MKLN1: variants seen among roughly 807,000 people sequenced by gnomAD.
MKLN1 encodes muskelin.
In MKLN1, 18 loss-of-function variants were observed where a neutral mutation model predicts 99.0. The observed-to-expected ratio is 0.18, with a 90% CI of 0.13 to 0.27. The LOEUF (loss-of-function observed/expected upper bound fraction) is 0.27. MKLN1 is among the 10% of genes least tolerant of loss of function. The pLI is 1.00. For missense variants in MKLN1, 621 were observed against 875.9 expected (o/e 0.71, Z 3.67); for synonymous variants, 288 against 293.2 (o/e 0.98, Z 0.18).
At chr7:131,182,591 T>C (rs1796391653) in intron 2 of MKLN1, among the ~76,000 whole-genome samples, 4 of 152,188 alleles carry the variant, frequency 2.6e-5, no homozygotes, top group Admixed American at 2.0e-4. Flanking sequence ...ATGAGTCATA[T>C]AGAATTCTGT....
In MKLN1 at chr7:131,491,219, A is replaced by G. The variant is rs1159275767; in HGVS notation, c.*3491A>G. On this transcript the variant is annotated 3_prime_UTR_variant, in exon 18 of 18. Coordinates refer to ENST00000352689, the MANE Select transcript of MKLN1 (RefSeq NM_013255.5). ...ATATTCTAAATAAAGTCATCTAACT[A>G]TTAAAAAAAAAACACCCTTCCTAAC... The G allele has an allele frequency of 6.6e-6, 1 of 152,002 alleles. No homozygotes were observed. The highest frequency in any genetic ancestry group is 1.5e-5 in the Non-Finnish European group (1 of 67,956). 9.4% of individuals were successfully genotyped at this position (152,002 alleles called of 1,614,324 possible).
At chr7:131,406,762 C>T (rs1434559497) in intron 6 of MKLN1, among the ~76,000 whole-genome samples, 2 of 152,020 alleles carry the variant, frequency 1.3e-5, no homozygotes, top group Non-Finnish European at 2.9e-5. Context: ...TCCAGATTGA[C>T]ACTTACTTTC....
At chr7:131,339,849 G>T (rs1248808105) in intron 1 of MKLN1, among the ~76,000 whole-genome samples, 1 of 151,812 alleles carries the variant, frequency 6.6e-6, no homozygotes, top group Non-Finnish European at 1.5e-5. Flanking sequence ...AGATAATTGG[G>T]TTTGGTGTAA....
intron 2 of MKLN1, 41 bp downstream of exon 2, chr7:131,375,534 C>G: frequency 8.2e-7 from 1 of 1,225,516 alleles, no homozygotes; most frequent in Admixed American, 1.7e-5. Context: ...TAGAAGTCAC[C>G]ATTTAAATAA....
intron 8 of MKLN1, among the ~76,000 whole-genome samples, chr7:131,416,979 C>CAAAA (rs374145180): frequency 1.2e-4 from 6 of 49,496 alleles, no homozygotes; most frequent in Admixed American, 6.7e-4. Flanking sequence ...GCAACCCTGT[C>CAAAA]AAAAAAAAAA....
rs576438015 is a variant in MKLN1 at position 131,347,857 on chromosome 7, A to G, written c.98+19860A>G. On this transcript the variant is annotated intron_variant, in intron 1 of 17. Coordinates refer to ENST00000352689, the MANE Select transcript of MKLN1 (RefSeq NM_013255.5). Reference sequence around the variant, plus strand: ...CTATTTTCCATTCATACAGTGCAATAACATTTTTTAAATTGCAAAAATGGA... The same window carrying G: ...CTATTTTCCATTCATACAGTGCAATGACATTTTTTAAATTGCAAAAATGGA... Among the ~76,000 whole-genome samples the G allele has an allele frequency of 7.5e-4, 115 of 152,356 alleles. 1 individual carries two copies. The highest frequency in any genetic ancestry group is 7.3e-5 in the Non-Finnish European group (5 of 68,040).
rs369919187 is a variant in MKLN1, at chr7:131,181,074, C to T, written c.-296-21783C>T. 1.3e-5 allele frequency among the ~76,000 whole-genome samples: 2 copies of T among 152,166 alleles called. 1 individual carries two copies. The highest frequency in any genetic ancestry group is 4.8e-5 in the African/African-American group (2 of 41,434). ...ACAAATAATTAATTCTGCAGTTGGA[C>T]GTTTTCCCCTTCCCATCACCATTAT... On this transcript the variant is annotated intron_variant, in intron 2 of 7. Transcript: ENST00000416992.
intron 3 of MKLN1, among the ~76,000 whole-genome samples, chr7:131,209,576 G>C (rs1796869849): frequency 6.6e-6 from 1 of 152,168 alleles, no homozygotes; most frequent in Admixed American, 6.5e-5. Flanking sequence ...GAGACAGGTT[G>C]GCTGGGAACA....
intron 1 of MKLN1, among the ~76,000 whole-genome samples, chr7:131,368,852 ATAT>A (rs1175401115): frequency 1.3e-5 from 2 of 152,176 alleles, no homozygotes; most frequent in African/African-American, 2.4e-5. Flanking sequence ...ATATGCTTAT[ATAT>A]TATTTTATGT....
At chr7:131,208,846 A>G (rs1292007660) in intron 3 of MKLN1, among the ~76,000 whole-genome samples, 1 of 152,164 alleles carries the variant, frequency 6.6e-6, no homozygotes, top group African/African-American at 2.4e-5. Flanking sequence ...CTTACTTTTC[A>G]TTACGTGATA....
chr7:131,320,308 GACAAAA>G (rs1798751537), intron 3 of MKLN1, among the ~76,000 whole-genome samples: 1 of 152,126 alleles, frequency 6.6e-6, no homozygotes, highest in African/African-American at 2.4e-5. Context: ...TGACAAACCT[GACAAAA>G]ACAAGCAATG....
chr7:131,474,030 A>T (rs1311649333), intron 16 of MKLN1, among the ~76,000 whole-genome samples: 1 of 152,046 alleles, frequency 6.6e-6, no homozygotes. Context: ...GGCGCCTGTA[A>T]TCCCAGCTGA....
At chr7:131,179,535 G>A (rs1371010916) in intron 2 of MKLN1, among the ~76,000 whole-genome samples, 2 of 151,228 alleles carry the variant, frequency 1.3e-5, no homozygotes, top group Non-Finnish European at 2.9e-5. Context: ...TATCTCCATT[G>A]CATTTGTTTT....
At chr7:131,192,053 CAT>C (rs202107289) in intron 2 of MKLN1, among the ~76,000 whole-genome samples, 9,158 of 108,960 alleles carry the variant, frequency 0.084, 805 homozygotes, top group African/African-American at 0.098. Flanking sequence ...TATATGTATA[CAT>C]GTATATATAT....
rs566379394 is a variant in MKLN1, at chr7:131,174,342, T to C, written c.-296-28515T>C. Among the ~76,000 whole-genome samples, 6 of 152,304 alleles carry C rather than the reference T, an allele frequency of 3.9e-5. No individual in the cohort carries two copies. In the East Asian group the frequency reaches 1.2e-3, roughly 29 times the overall value. On this transcript the variant is annotated intron_variant, in intron 2 of 7. Transcript: ENST00000416992. ...CTTTTCATTCCACAATATGTGTCTT[T>C]TTTCAGAGACACAGATGGCACTCTT...
intron 12 of MKLN1, among the ~76,000 whole-genome samples, chr7:131,457,642 A>G (rs1796387460): frequency 6.6e-6 from 1 of 152,172 alleles, no homozygotes; most frequent in African/African-American, 2.4e-5. Flanking sequence ...AAGCCCGGGC[A>G]CGGGGGCTCA....
intron 3 of MKLN1, among the ~76,000 whole-genome samples, chr7:131,262,501 A>C (rs1797747199): frequency 1.3e-5 from 2 of 152,118 alleles, no homozygotes. Context: ...ATTCTGGTTA[A>C]TTCAAACAAG....
intron 4 of MKLN1, among the ~76,000 whole-genome samples, chr7:131,396,635 TA>T (rs1794370554): frequency 6.6e-6 from 1 of 152,170 alleles, no homozygotes; most frequent in Non-Finnish European, 1.5e-5. Context: ...ATTGAGGGTT[TA>T]AAAATAATAA....
intron 3 of MKLN1, among the ~76,000 whole-genome samples, chr7:131,285,894 GTGACAATTAC>G (rs1362272658): frequency 2.6e-5 from 4 of 151,368 alleles, no homozygotes; most frequent in Non-Finnish European, 5.9e-5. Flanking sequence ...ATCATATTGC[GTGACAATTAC>G]TGACTTGGGA....
Sources: allele counts gnomAD v4.1 joint callset (sites outside exome capture counted in the v4.1 genomes callset), GRCh38; gene constraint gnomAD v4.1.1; transcripts MANE v1.5; gene names NCBI Gene and HGNC (gene_info 2026-07-23, HGNC 2026-07-21).